Variants in ASPA observed in about 807,000 individuals in gnomAD.
ASPA encodes the protein ACY-2.
In ASPA, 25 loss-of-function variants were observed where a neutral mutation model predicts 29.6. That is an observed-to-expected ratio of 0.85 (90% CI 0.62 to 1.18). ASPA has a LOEUF of 1.18. Among genes scored for constraint, ASPA ranks in the 50% most tolerant of loss-of-function variants. ASPA has a pLI of 0.00. For synonymous variants in ASPA, 131 were observed against 130.3 expected (o/e 1.01, Z -0.04); for missense variants, 333 against 385.7 (o/e 0.86, Z 1.14).
chr17:3,496,976 A>G (rs914417681), intron 5 of ASPA, among the ~76,000 whole-genome samples: 3 of 152,142 alleles, frequency 2.0e-5, no homozygotes, highest in African/African-American at 2.4e-5. Context: ...TGAGGCAGGA[A>G]AATTGCTTGA....
At chr17:3,496,136 T>C (rs2073904357) in intron 5 of ASPA, among the ~76,000 whole-genome samples, 1 of 152,124 alleles carries the variant, frequency 6.6e-6, no homozygotes, top group Admixed American at 6.5e-5. Context: ...TGACAGACAA[T>C]AATGAATGGC....
At chr17:3,493,287 G>A (rs2073853786) in intron 4 of ASPA, among the ~76,000 whole-genome samples, 1 of 152,172 alleles carries the variant, frequency 6.6e-6, no homozygotes. Context: ...AAGAGGCTGG[G>A]CATGGTGGCT....
In ASPA at chr17:3,490,995, C is replaced by G. The variant is rs2073814966; in HGVS notation, c.634+1653C>G. On this transcript the variant is annotated intron_variant, in intron 4 of 5. Coordinates refer to ENST00000263080, the MANE Select transcript of ASPA (RefSeq NM_000049.4). The surrounding 1 kb of genome is among the most constrained non-coding windows in gnomAD (Gnocchi z 4.6). ...AGCTTGGTGGATTTTCAACTGAGCA[C>G]TCCTATCCACAGAATGCTGACAAAT... is the stretch of plus-strand genomic sequence containing the variant. Among the ~76,000 whole-genome samples the G allele has an allele frequency of 6.6e-6, 1 of 152,186 alleles. No homozygotes were observed.
At position 3,481,656 on chromosome 17, in the gene ASPA, A is replaced by G. The variant is rs763469507; in HGVS notation, c.290A>G (p.Asn97Ser). 1.4e-5 allele frequency: 22 copies of G among 1,613,934 alleles called. No individual in the cohort carries two copies. Among genetic ancestry groups the G allele is most frequent in the Middle Eastern group, 1.7e-4 (1 of 6,040 alleles). Reference protein sequence around the residue: ...PYEVRRAQEINHLFGPKDSED... With the variant: ...PYEVRRAQEISHLFGPKDSED... The stretch of plus-strand genomic sequence containing the variant: ...GAAGTGAGAAGGGCTCAAGAAATAA[A>G]TCATTTATTTGGTCCAAAAGACAGT... Residue 97 changes from asparagine (N) to serine (S), a missense_variant, in exon 2 of 6, where the codon AAT becomes AGT. By Grantham distance (46) the Asn-to-Ser change is conservative. Transcript: ENST00000263080.
rs1357170952 is a variant in ASPA, at chr17:3,502,322, C to A, written c.*3234C>A. ...ATAACTTTTACACGTACTGGAAAATCAAAAAATATGTGTGGCTCATCTGTT... is the reference window on the plus strand; with the variant it reads ...ATAACTTTTACACGTACTGGAAAATAAAAAAATATGTGTGGCTCATCTGTT... On this transcript the variant is annotated 3_prime_UTR_variant, in exon 6 of 6. Coordinates refer to ENST00000263080, the MANE Select transcript of ASPA (RefSeq NM_000049.4). 2.0e-5 allele frequency: 3 copies of A among 152,110 alleles called. No individual in the cohort carries two copies. The highest frequency in any genetic ancestry group is 6.5e-5 in the Admixed American group (1 of 15,276). 9.4% of individuals were successfully genotyped at this position (152,110 alleles called of 1,614,324 possible). A position where few individuals can be genotyped will look rare whatever the true frequency, so the allele number is the denominator to read the frequency against.
At position 3,499,045 on chromosome 17, in the gene ASPA, A is replaced by G. The variant is rs890496947; in HGVS notation, c.899A>G (p.Lys300Arg). ...EKKEAFAKTT[K>R]LTLNAKSIRC... ...AAAGAAGCTTTTGCAAAGACAACTA[A>G]ACTAACGCTCAATGCAAAAAGTATT... Residue 300 changes from lysine to arginine, a missense_variant, in exon 6 of 6, where the codon AAA (lysine) becomes AGA (arginine). Coordinates refer to ENST00000263080, the MANE Select transcript of ASPA (RefSeq NM_000049.4). 1.2e-6 allele frequency: 2 copies of G among 1,614,038 alleles called. No homozygotes were observed. The highest frequency in any genetic ancestry group is 1.7e-6 in the Non-Finnish European group (2 of 1,180,040).
In ASPA at chr17:3,490,616, T is replaced by C. The variant is rs2073808794; in HGVS notation, c.634+1274T>C. 6.6e-6 allele frequency among the ~76,000 whole-genome samples: 1 copy of C among 152,152 alleles called. No individual in the cohort carries two copies. The highest frequency in any genetic ancestry group is 6.5e-5 in the Admixed American group (1 of 15,278). ...CTCCAAAATCATGAAAACTGAAAATTTGCTTTTTACCATCTTTGTCTGAGG... is the reference window on the plus strand; with the variant it reads ...CTCCAAAATCATGAAAACTGAAAATCTGCTTTTTACCATCTTTGTCTGAGG... On this transcript the variant is annotated intron_variant, in intron 4 of 5. Transcript: ENST00000263080. The surrounding 1 kb of genome is among the most constrained non-coding windows in gnomAD (Gnocchi z 4.6).
At position 3,483,432 on chromosome 17, in the gene ASPA, T is replaced by G. The variant is rs16953070; in HGVS notation, c.433-67T>G. 282 of 1,363,970 alleles carry G rather than the reference T, an allele frequency of 2.1e-4. 1 individual carries two copies. The African/African-American group carries it at 3.6e-3, about 18-fold the overall frequency. The allele number at this position is 1,363,970 out of a possible 1,614,324, so 84.5% of individuals were successfully genotyped here. A position where few individuals can be genotyped will look rare whatever the true frequency, so the allele number is the denominator to read the frequency against. On this transcript the variant is annotated intron_variant, in intron 2 of 5. Transcript: ENST00000263080. ...AAAACGTATTGAAGGTATTATTGAC[T>G]CTGTTGAAGCAAAGAGAACAAAACA...
chr17:3,478,358 T>C (rs187155940), intron 1 of ASPA, among the ~76,000 whole-genome samples: 8 of 152,294 alleles, frequency 5.3e-5, no homozygotes, highest in African/African-American at 1.9e-4. Context: ...CTTTATGGAA[T>C]AGATGTTTTT....
intron 1 of ASPA, among the ~76,000 whole-genome samples, chr17:3,481,258 T>C (rs1180166723): frequency 6.6e-6 from 1 of 152,200 alleles, no homozygotes; most frequent in African/African-American, 2.4e-5. Context: ...AATAACCCAG[T>C]GTACCATAAC....
chr17:3,492,249 A>G (rs12946424), intron 4 of ASPA, among the ~76,000 whole-genome samples: 126,375 of 152,216 alleles, frequency 0.83, 53,303 homozygotes, highest in Non-Finnish European at 0.9. Flanking sequence ...GTAAGAAGTC[A>G]TCTTCTGCAT....
intron 4 of ASPA, among the ~76,000 whole-genome samples, chr17:3,492,547 G>A (rs937498721): frequency 6.6e-6 from 1 of 152,144 alleles, no homozygotes; most frequent in Admixed American, 6.5e-5. Flanking sequence ...TTCCACTTCT[G>A]GAATAGCTGG....
chr17:3,482,962 T>C (rs560841764), intron 2 of ASPA, among the ~76,000 whole-genome samples: 14 of 119,946 alleles, frequency 1.2e-4, no homozygotes, highest in Admixed American at 7.9e-4. Flanking sequence ...CAATTCTTCA[T>C]TGCCTATTGA....
intron 5 of ASPA, among the ~76,000 whole-genome samples, chr17:3,495,411 T>A (rs924141762): frequency 2.0e-5 from 3 of 152,196 alleles, no homozygotes; most frequent in Non-Finnish European, 4.4e-5. Flanking sequence ...CTATCCCTGT[T>A]TAGTGACTCT....
chr17:3,484,515 T>C (rs1431209853), intron 3 of ASPA, among the ~76,000 whole-genome samples: 1 of 152,060 alleles, frequency 6.6e-6, no homozygotes, highest in African/African-American at 2.4e-5. Flanking sequence ...TGTATGTGTA[T>C]GTGTTTGGGG....
At chr17:3,489,475 C>G (rs1343315490) in intron 4 of ASPA, 133 bp downstream of exon 4, 2 of 713,428 alleles carry the variant, frequency 2.8e-6, no homozygotes, top group East Asian at 5.5e-5. Context: ...CAGCTATTCC[C>G]CAATGGCCAG....
At chr17:3,496,068 A>G (rs12051797) in intron 5 of ASPA, among the ~76,000 whole-genome samples, 17,567 of 152,216 alleles carry the variant, frequency 0.12, 2,142 homozygotes, top group East Asian at 0.62. Context: ...GATGAATGAG[A>G]TCAGTAGCAA....
chr17:3,487,739 C>T (rs2073751898), intron 3 of ASPA, among the ~76,000 whole-genome samples: 1 of 152,130 alleles, frequency 6.6e-6, no homozygotes, highest in Non-Finnish European at 1.5e-5. Context: ...TTAAACTATT[C>T]AACATTTACT....
chr17:3,497,478 A>G (rs1299821089), intron 5 of ASPA, among the ~76,000 whole-genome samples: 2 of 152,238 alleles, frequency 1.3e-5, no homozygotes, highest in African/African-American at 2.4e-5. Context: ...GTCAGAACTC[A>G]TAGAACTGCA....
Sources: allele counts gnomAD v4.1 joint callset (sites outside exome capture counted in the v4.1 genomes callset), GRCh38; gene constraint gnomAD v4.1.1; non-coding constraint Gnocchi (gnomAD v3.1); transcripts MANE v1.5; gene names NCBI Gene and HGNC (gene_info 2026-07-23, HGNC 2026-07-21).